CPVL: variants seen among roughly 807,000 people sequenced by gnomAD.
CPVL encodes the protein probable serine carboxypeptidase CPVL.
In CPVL, 51 loss-of-function variants were observed where a neutral mutation model predicts 63.7. The observed-to-expected ratio is 0.80, with a 90% CI of 0.64 to 1.01. CPVL has a LOEUF of 1.01. CPVL is among the 50% of genes least tolerant of loss of function. The pLI is 0.00. For missense variants in CPVL, 530 were observed against 573.1 expected (o/e 0.92, Z 0.77); for synonymous variants, 195 against 206.0 (o/e 0.95, Z 0.46).
chr7:29,165,487 G>A (rs1795794732), intron 5 of CPVL, among the ~76,000 whole-genome samples: 1 of 152,066 alleles, frequency 6.6e-6, no homozygotes, highest in South Asian at 2.1e-4. Flanking sequence ...CCACAGTCAT[G>A]TTGTCTGTTA....
At chr7:29,162,909 C>G (rs182054621) in intron 5 of CPVL, among the ~76,000 whole-genome samples, 11 of 152,206 alleles carry the variant, frequency 7.2e-5, no homozygotes, top group Non-Finnish European at 1.6e-4. Context: ...TTAAACAATT[C>G]TGTACATGTG....
chr7:29,176,617 G>A (rs1053831689), intron 5 of CPVL, among the ~76,000 whole-genome samples: 2 of 152,106 alleles, frequency 1.3e-5, no homozygotes, highest in Non-Finnish European at 1.5e-5. Flanking sequence ...AGCTTTAAAA[G>A]GGTATTTTTT....
intron 6 of CPVL, among the ~76,000 whole-genome samples, chr7:29,087,423 CAA>C (rs56726137): frequency 7.0e-5 from 5 of 71,380 alleles, no homozygotes; most frequent in Middle Eastern, 8.1e-3. Context: ...GACTCTGTCT[CAA>C]AAAAAAAAAA....
At chr7:29,135,894 T>G (rs1032049206) in intron 1 of CPVL, among the ~76,000 whole-genome samples, 1 of 152,152 alleles carries the variant, frequency 6.6e-6, no homozygotes, top group Non-Finnish European at 1.5e-5. Flanking sequence ...AATTTAATTT[T>G]TTTCACCTCA....
chr7:29,115,250 C>G (rs1242852730), intron 2 of CPVL, among the ~76,000 whole-genome samples: 1 of 152,210 alleles, frequency 6.6e-6, no homozygotes, highest in Admixed American at 6.5e-5. Context: ...TTTGGCCACT[C>G]CAAGTGAAGT....
chr7:29,111,921 A>G (rs544205880), intron 3 of CPVL, among the ~76,000 whole-genome samples: 2 of 152,370 alleles, frequency 1.3e-5, no homozygotes, highest in East Asian at 3.9e-4. Context: ...GGATGAAAAC[A>G]GAAAATTACT....
intron 12 of CPVL, among the ~76,000 whole-genome samples, chr7:28,996,881 G>A (rs1157202475): frequency 6.6e-6 from 1 of 152,158 alleles, no homozygotes; most frequent in African/African-American, 2.4e-5. Context: ...TTCAACATGT[G>A]TTTACAGATT....
At chr7:29,043,195 T>A (rs1353691303) in intron 11 of CPVL, among the ~76,000 whole-genome samples, 1 of 151,588 alleles carries the variant, frequency 6.6e-6, no homozygotes, top group African/African-American at 2.4e-5. Flanking sequence ...GATCTCCTCA[T>A]AAAAGAAGGC....
intron 1 of CPVL, among the ~76,000 whole-genome samples, chr7:29,187,252 T>C (rs1798824580): frequency 6.6e-6 from 1 of 152,106 alleles, no homozygotes; most frequent in Admixed American, 6.6e-5. Flanking sequence ...AAATCTACTT[T>C]GAAATTCCAC....
chr7:29,079,019 A>G (rs1452667951), intron 7 of CPVL, among the ~76,000 whole-genome samples: 3 of 152,224 alleles, frequency 2.0e-5, no homozygotes, highest in African/African-American at 7.2e-5. Flanking sequence ...AGCCTTGAGA[A>G]ATAATTGCAT....
chr7:29,076,851 C>T (rs1360326795), intron 7 of CPVL, among the ~76,000 whole-genome samples: 2 of 152,200 alleles, frequency 1.3e-5, no homozygotes, highest in Non-Finnish European at 1.5e-5. Flanking sequence ...GAGAAAAAGG[C>T]CTCAACATCA....
intron 7 of CPVL, among the ~76,000 whole-genome samples, chr7:29,077,669 C>T (rs1185431318): frequency 6.6e-6 from 1 of 152,224 alleles, no homozygotes; most frequent in Admixed American, 6.5e-5. Context: ...CATCAAGGCG[C>T]ACTGCCCTTC....
At chr7:29,030,033 G>A (rs369524189) in intron 12 of CPVL, among the ~76,000 whole-genome samples, 17 of 152,178 alleles carry the variant, frequency 1.1e-4, no homozygotes, top group Admixed American at 8.5e-4. Flanking sequence ...TCCAACAACA[G>A]AAAGAGGAAA....
At chr7:29,079,732 G>A (rs1052904018) in intron 7 of CPVL, among the ~76,000 whole-genome samples, 1 of 152,182 alleles carries the variant, frequency 6.6e-6, no homozygotes, top group African/African-American at 2.4e-5. Context: ...ATAATTATAA[G>A]CCTACTTCTA....
intron 7 of CPVL, among the ~76,000 whole-genome samples, chr7:29,085,543 T>C (rs1424820456): frequency 2.6e-5 from 4 of 152,196 alleles, no homozygotes; most frequent in Non-Finnish European, 4.4e-5. Flanking sequence ...TCACCCCCAG[T>C]GTAATAACTG....
rs1020448110 is a variant in CPVL at position 29,004,005 on chromosome 7, T to C, written c.1321-8123A>G. 1.2e-4 allele frequency among the ~76,000 whole-genome samples: 18 copies of C among 152,156 alleles called. 1 individual carries two copies. The highest frequency in any genetic ancestry group is 1.9e-4 in the East Asian group (1 of 5,194). ...CAGTTACCAGTCTGTGACCGAGGGA[T>C]TGGGGGCCCCTGTTGTAAGGTACAC... On this transcript the variant is annotated intron_variant, in intron 12 of 12. Coordinates refer to ENST00000265394, the MANE Select transcript of CPVL (RefSeq NM_031311.5).
chr7:29,093,167 C>T (rs1562765442), intron 5 of CPVL, among the ~76,000 whole-genome samples: 3 of 151,968 alleles, frequency 2.0e-5, no homozygotes, highest in Non-Finnish European at 2.9e-5. Context: ...GGGCGGAACA[C>T]CTGAGGTCAG....
chr7:29,069,823 T>TGTGC (rs1783564403), intron 9 of CPVL, among the ~76,000 whole-genome samples: 1 of 131,354 alleles, frequency 7.6e-6, no homozygotes, highest in Non-Finnish European at 1.7e-5. Flanking sequence ...TGTGTGTGTG[T>TGTGC]GTGTGCATGT....
chr7:29,016,883 G>A (rs988914122), intron 12 of CPVL, among the ~76,000 whole-genome samples: 1 of 152,178 alleles, frequency 6.6e-6, no homozygotes, highest in African/African-American at 2.4e-5. Flanking sequence ...TATCAAGAAG[G>A]TGGACGTATT....
Sources: gnomAD v4.1 joint callset for allele counts (sites outside exome capture counted in the v4.1 genomes callset) on GRCh38, gnomAD v4.1.1 for gene constraint, MANE v1.5 for transcripts, NCBI Gene and HGNC (gene_info 2026-07-23, HGNC 2026-07-21) for gene names.